OSBPL9: variants seen among roughly 807,000 people sequenced by gnomAD.
The protein encoded by OSBPL9 is oxysterol binding protein like 9, also known as oxysterol-binding protein-related protein 9.
OSBPL9 carries 40 observed loss-of-function variants against 106.6 expected under a neutral mutation model. The ratio of observed to expected loss-of-function variants is 0.38; its 90% CI spans 0.29 to 0.49. The LOEUF is 0.49. OSBPL9 is among the 20% of genes least tolerant of loss of function. The pLI, the probability that OSBPL9 is intolerant of heterozygous loss-of-function variation, is 0.97. For missense variants in OSBPL9, 609 were observed against 887.2 expected (o/e 0.69, Z 3.98); for synonymous variants, 269 against 295.4 (o/e 0.91, Z 0.92).
At chr1:51,623,244 C>A (rs1644554134) in intron 1 of OSBPL9, among the ~76,000 whole-genome samples, 1 of 152,020 alleles carries the variant, frequency 6.6e-6, no homozygotes, top group South Asian at 2.1e-4. Flanking sequence ...CAAGATGTTT[C>A]ATTGTAGAAA....
At chr1:51,740,488 A>ATTGTT (rs1666667872) in intron 4 of OSBPL9, among the ~76,000 whole-genome samples, 1 of 151,814 alleles carries the variant, frequency 6.6e-6, no homozygotes, top group South Asian at 2.1e-4. Flanking sequence ...TTTTTAAGCT[A>ATTGTT]TTGTTTAATT....
At chr1:51,637,691 G>C (rs567492508) in intron 1 of OSBPL9, among the ~76,000 whole-genome samples, 2 of 152,254 alleles carry the variant, frequency 1.3e-5, no homozygotes, top group South Asian at 4.1e-4. Context: ...ATATGAATCA[G>C]TATTCCAATT....
the OSBPL9 span, among the ~76,000 whole-genome samples, chr1:51,529,926 C>T: frequency 6.6e-6 from 1 of 151,554 alleles, no homozygotes; most frequent in African/African-American, 2.4e-5. Flanking sequence ...AAACCCAGCA[C>T]TTTGGGAGGT....
intron 4 of OSBPL9, among the ~76,000 whole-genome samples, chr1:51,730,404 A>G (rs1490800736): frequency 2.0e-5 from 3 of 152,214 alleles, no homozygotes; most frequent in Non-Finnish European, 4.4e-5. Context: ...TAGAATCTCC[A>G]GTTGCAGGCC....
chr1:51,608,103 T>C (rs1279767067), intron 2 of OSBPL9, among the ~76,000 whole-genome samples: 4 of 152,152 alleles, frequency 2.6e-5, no homozygotes, highest in Non-Finnish European at 1.5e-5. Flanking sequence ...CCCTTACCAG[T>C]CTAGTGTTCC....
At chr1:51,657,559 A>G (rs1335943978) in intron 2 of OSBPL9, among the ~76,000 whole-genome samples, 1 of 152,238 alleles carries the variant, frequency 6.6e-6, no homozygotes, top group Non-Finnish European at 1.5e-5. Flanking sequence ...CCTCTGGACT[A>G]GAAGAGTGAA....
rs564118541 is a variant in OSBPL9 at position 51,729,782 on chromosome 1, C to T, written c.318+15703C>T. 1.9e-5 allele frequency: 23 copies of T among 1,225,760 alleles called. No homozygotes were observed. In the African/African-American group the frequency reaches 3.1e-4, roughly 17 times the overall value. The allele number at this position is 1,225,760 out of a possible 1,614,324, so 75.9% of individuals were successfully genotyped here. ...GGCCAGCCAATCGGGGCGACCCCTC[C>T]GCCGGGGAGGGGACGGGAAAGGGGT... is the stretch of plus-strand genomic sequence containing the variant. On this transcript the variant is annotated intron_variant, in intron 4 of 23. Coordinates refer to ENST00000428468, the MANE Select transcript of OSBPL9 (RefSeq NM_024586.6). This position sits in a 1 kb window ranked among gnomAD's most constrained non-coding sequence, Gnocchi z 5.1.
chr1:51,711,182 C>T (rs948394190), intron 3 of OSBPL9, among the ~76,000 whole-genome samples: 4 of 151,882 alleles, frequency 2.6e-5, no homozygotes, highest in African/African-American at 7.2e-5. Flanking sequence ...TCCACAAAGC[C>T]GCCATCGTCA....
chr1:51,644,818 C>G (rs1034631759), intron 1 of OSBPL9, among the ~76,000 whole-genome samples: 1 of 152,204 alleles, frequency 6.6e-6, no homozygotes. Context: ...ATTCAAATCT[C>G]AGTTCTTGTA....
At chr1:51,603,165 CA>C (rs140160724) in intron 2 of OSBPL9, among the ~76,000 whole-genome samples, 2,223 of 151,490 alleles carry the variant, frequency 0.015, 57 homozygotes, top group African/African-American at 0.052. Context: ...AAAACAAAAA[CA>C]AAAAAAACAC....
intron 2 of OSBPL9, among the ~76,000 whole-genome samples, chr1:51,662,838 A>G (rs1481768952): frequency 2.8e-5 from 4 of 143,460 alleles, no homozygotes; most frequent in South Asian, 2.2e-4. Context: ...TCCACCTCCC[A>G]GGTTCACGCC....
At position 51,662,740 on chromosome 1, in the gene OSBPL9, G is replaced by A. The variant is rs200292937; in HGVS notation, c.163-6694G>A. ...ACAAAGTCATTATATAAAAATCAAC[G>A]AATTTTTTTTTTTTTTTTTTTTGAG... is the stretch of plus-strand genomic sequence containing the variant. On this transcript the variant is annotated intron_variant, in intron 2 of 23. Coordinates refer to ENST00000428468, the MANE Select transcript of OSBPL9 (RefSeq NM_024586.6). Among the ~76,000 whole-genome samples, 120 of 142,132 alleles carry A rather than the reference G, an allele frequency of 8.4e-4. 5 individuals carry two copies. Among genetic ancestry groups the A allele is most frequent in the East Asian group, 2.7e-3 (13 of 4,786 alleles). The allele number at this position is 142,132 out of a possible 152,430, so 93.2% of individuals were successfully genotyped here.
intron 4 of OSBPL9, among the ~76,000 whole-genome samples, chr1:51,726,349 A>G (rs1663116295): frequency 6.6e-6 from 1 of 152,214 alleles, no homozygotes; most frequent in Non-Finnish European, 1.5e-5. Context: ...TGGTACTTCT[A>G]AGTTTCTTAA....
chr1:51,708,446 C>T (rs1659095873), intron 3 of OSBPL9, among the ~76,000 whole-genome samples: 1 of 152,038 alleles, frequency 6.6e-6, no homozygotes. Flanking sequence ...ATTCAGCATT[C>T]TGTATATGTT....
chr1:51,788,430 A>G lies in OSBPL9; in HGVS notation c.*641A>G, dbSNP rs1678218976. ...TTTAATTAATTATTCTTAGTGCTTA[A>G]GGCTTCATAAAGTAATTTTTCCAAC... On this transcript the variant is annotated 3_prime_UTR_variant, in exon 24 of 24. Transcript: ENST00000428468. 1 of 152,644 alleles carries G rather than the reference A, an allele frequency of 6.6e-6. No homozygotes were observed. Among genetic ancestry groups the G allele is most frequent in the East Asian group, 1.9e-4 (1 of 5,198 alleles). The allele number at this position is 152,644 out of a possible 1,614,324, so 9.5% of individuals were successfully genotyped here.
At chr1:51,602,916 G>A (rs1350757232) in intron 2 of OSBPL9, among the ~76,000 whole-genome samples, 1 of 152,206 alleles carries the variant, frequency 6.6e-6, no homozygotes, top group Admixed American at 6.5e-5. Context: ...AGCACTTTGG[G>A]AGGCCAAGGC....
the OSBPL9 span, among the ~76,000 whole-genome samples, chr1:51,534,806 A>G: frequency 2.8e-4 from 42 of 152,344 alleles, no homozygotes; most frequent in African/African-American, 9.9e-4. Context: ...CTACCATGTC[A>G]CTGTGTCTTT....
At chr1:51,751,889 A>G (rs1157797419) in intron 8 of OSBPL9, among the ~76,000 whole-genome samples, 2 of 152,202 alleles carry the variant, frequency 1.3e-5, no homozygotes, top group African/African-American at 2.4e-5. Context: ...TAATAAAACT[A>G]CGTTTTAGGG....
chr1:51,782,318 A>G (rs913682056), intron 16 of OSBPL9, among the ~76,000 whole-genome samples: 5 of 152,232 alleles, frequency 3.3e-5, no homozygotes, highest in African/African-American at 1.2e-4. Context: ...GCAGACATTG[A>G]TAAGTGCCTA....
Sources: gnomAD v4.1 joint callset for allele counts (sites outside exome capture counted in the v4.1 genomes callset) on GRCh38, gnomAD v4.1.1 for gene constraint, Gnocchi (gnomAD v3.1) non-coding constraint, MANE v1.5 for transcripts, NCBI Gene and HGNC (gene_info 2026-07-23, HGNC 2026-07-21) for gene names.